BNIP3: variants seen among roughly 807,000 people sequenced by gnomAD.
BNIP3 encodes BCL2/adenovirus E1B 19 kDa protein-interacting protein 3.
In BNIP3, 16 loss-of-function variants were observed where a neutral mutation model predicts 23.9. The ratio of observed to expected loss-of-function variants is 0.67; its 90% CI spans 0.45 to 1.01. The LOEUF is 1.01. Among genes scored for constraint, BNIP3 ranks in the 50% least tolerant of loss-of-function variants. The pLI is 0.00. For synonymous variants in BNIP3, 81 were observed against 89.3 expected (o/e 0.91, Z 0.53); for missense variants, 198 against 248.7 (o/e 0.80, Z 1.37).
chr10:131,981,419 G>A (rs1456288934), intron 1 of BNIP3: 1 of 367,958 alleles, frequency 2.7e-6, no homozygotes, highest in Non-Finnish European at 4.9e-6. Context: ...TGGACTTTGA[G>A]GCTGTTCGGT....
intron 3 of BNIP3, 98 bp downstream of exon 3, chr10:131,972,936 C>T: frequency 1.6e-6 from 2 of 1,248,358 alleles, no homozygotes; most frequent in Non-Finnish European, 1.1e-6. Flanking sequence ...CCCTTAAAGC[C>T]CGACTTTTCT....
chr10:131,981,617 T>G (rs2037119323), intron 1 of BNIP3, 144 bp downstream of exon 1: 5 of 1,051,608 alleles, frequency 4.8e-6, no homozygotes, highest in Non-Finnish European at 6.3e-6. Flanking sequence ...GAGGGGTGGG[T>G]ACGGAAGGGG....
rs544055960 is a variant in BNIP3 at position 131,976,743 on chromosome 10, G to A, written c.47-2800C>T. Among the ~76,000 whole-genome samples, 82 of 152,098 alleles carry A rather than the reference G, an allele frequency of 5.4e-4. No homozygotes were observed. The highest frequency in any genetic ancestry group is 1.8e-3 in the African/African-American group (73 of 41,490). On this transcript the variant is annotated intron_variant, in intron 1 of 5. Coordinates refer to ENST00000368636, the MANE Select transcript of BNIP3 (RefSeq NM_004052.4). The surrounding 1 kb of genome is among the most constrained non-coding windows in gnomAD (Gnocchi z 4.3). ...TCTCCAGTCCCCTCCCCTCCTAGGA[G>A]GGGCTGCCCTGGGAATTTCTACCTC...
At chr10:131,972,045 G>A (rs868427676) in intron 3 of BNIP3, among the ~76,000 whole-genome samples, 9 of 152,204 alleles carry the variant, frequency 5.9e-5, no homozygotes, top group African/African-American at 1.2e-4. Flanking sequence ...AACACATCGC[G>A]CATCTCATCT....
In BNIP3 at chr10:131,976,907, C is replaced by T. The variant is rs1466019401; in HGVS notation, c.47-2964G>A. ...GCTAATAGGGTGACTTTATGAATAA[C>T]GCACACACTGGTCAGGTTGTTCTGC... On this transcript the variant is annotated intron_variant, in intron 1 of 5. Transcript: ENST00000368636. This position sits in a 1 kb window ranked among gnomAD's most constrained non-coding sequence, Gnocchi z 4.3. 6.6e-6 allele frequency among the ~76,000 whole-genome samples: 1 copy of T among 152,188 alleles called. No homozygotes were observed. Among genetic ancestry groups the T allele is most frequent in the Non-Finnish European group, 1.5e-5 (1 of 68,044 alleles).
Position 131,970,953 on chromosome 10 carries a change from A to G in BNIP3, c.300T>C (p.Ile100=). ...TGCTTTCAACTTCTTTCCTTCTTTC[A>G]ATATCATCTTCCTCAGACTAAGATA... ...KNSSQSEEDD[I]ERRKEVESIL... Residue 100 remains isoleucine (I), a synonymous_variant, in exon 4 of 6, where the codon ATT becomes ATC. Coordinates refer to ENST00000368636, the MANE Select transcript of BNIP3 (RefSeq NM_004052.4). The surrounding 1 kb of genome is among the most constrained non-coding windows in gnomAD (Gnocchi z 4.1). 6.2e-7 allele frequency: 1 copy of G among 1,614,044 alleles called. No individual in the cohort carries two copies. The highest frequency in any genetic ancestry group is 8.5e-7 in the Non-Finnish European group (1 of 1,179,984).
At chr10:131,973,683 G>T in intron 2 of BNIP3, 110 bp downstream of exon 2, 1 of 1,483,768 alleles carries the variant, frequency 6.7e-7, no homozygotes. Flanking sequence ...CGCGGCCCGA[G>T]GCGAACAGCA....
intron 1 of BNIP3, among the ~76,000 whole-genome samples, chr10:131,979,879 C>T (rs2037105846): frequency 6.6e-6 from 1 of 152,226 alleles, no homozygotes; most frequent in Non-Finnish European, 1.5e-5. Context: ...GTTCTCTGTT[C>T]CGAGGTCAAC....
chr10:131,979,807 T>C lies in BNIP3; in HGVS notation c.46+1954A>G, dbSNP rs45563037. ...AGGAAAAGCAGTTGGCCCCAGAGGG[T>C]ACACTCAGAGGAGAGAGTGCTTGCT... On this transcript the variant is annotated intron_variant, in intron 1 of 5. Coordinates refer to ENST00000368636, the MANE Select transcript of BNIP3 (RefSeq NM_004052.4). Among the ~76,000 whole-genome samples, 587 of 152,344 alleles carry C rather than the reference T, an allele frequency of 3.9e-3. 3 individuals are homozygous for C. Among genetic ancestry groups the C allele is most frequent in the African/African-American group, 0.013 (551 of 41,588 alleles).
chr10:131,981,702 C>CCTTCCCCAGG (rs1223401174), intron 1 of BNIP3, 59 bp downstream of exon 1: 97 of 1,449,152 alleles, frequency 6.7e-5, no homozygotes, highest in Non-Finnish European at 8.1e-5. Flanking sequence ...GCCCTCTTGG[C>CCTTCCCCAGG]CTTCCCCAGG....
At chr10:131,971,372 G>A (rs1006799177) in intron 3 of BNIP3, 5 of 244,818 alleles carry the variant, frequency 2.0e-5, no homozygotes, top group African/African-American at 9.1e-5. Flanking sequence ...GCTCAAAACA[G>A]GGACATGACG....
rs371380089 is a variant in BNIP3 at position 131,968,566 on chromosome 10, G to A, written c.543C>T (p.Ile181=). 94 of 1,599,062 alleles carry A rather than the reference G, an allele frequency of 5.9e-5. No homozygotes were observed. The highest frequency in any genetic ancestry group is 7.5e-5 in the Non-Finnish European group (87 of 1,167,002). The change falls in exon 6 of 6, where the codon ATC becomes ATT. Residue 181 remains isoleucine (I), a synonymous_variant. Transcript: ENST00000368636. The part of the protein sequence containing the change: ...LSHLLAIGLG[I]YIGRRLTTST... ...AGGTTGTCAGACGCCTTCCAATATA[G>A]ATCCTTCACAGAAAAATTATCAGTA... is the stretch of plus-strand genomic sequence containing the variant.
rs2037120832 is a variant in BNIP3, at chr10:131,981,753, C to T, written c.46+8G>A. 7 of 1,470,810 alleles carry T rather than the reference C, an allele frequency of 4.8e-6. No homozygotes were observed. The highest frequency in any genetic ancestry group is 6.3e-6 in the Non-Finnish European group (7 of 1,115,716). 91.1% of individuals were successfully genotyped at this position (1,470,810 alleles called of 1,614,324 possible). On this transcript the variant is annotated splice_region_variant and intron_variant, in intron 1 of 5. Coordinates refer to ENST00000368636, the MANE Select transcript of BNIP3 (RefSeq NM_004052.4). ...CCCTCGGCTCCCGCGCCGCCTCCTC[C>T]GCCTCACCCTGCAGGCTCTCCTCCT...
chr10:131,973,133 T>C lies in BNIP3; in HGVS notation c.198-15A>G, dbSNP rs987903760. The C allele has an allele frequency of 6.2e-7, 1 of 1,611,674 alleles. No homozygotes were observed. Among genetic ancestry groups the C allele is most frequent in the South Asian group, 1.1e-5 (1 of 91,044 alleles). On this transcript the variant is annotated splice_polypyrimidine_tract_variant and intron_variant, in intron 2 of 5. Transcript: ENST00000368636. ...AGCGAGGTGGGCTTGGCGATGTGAA[T>C]AGAATGGGAAAAACAGAACATCATG... is the stretch of plus-strand genomic sequence containing the variant.
intron 1 of BNIP3, among the ~76,000 whole-genome samples, chr10:131,977,138 G>C (rs981724504): frequency 6.6e-6 from 1 of 151,984 alleles, no homozygotes; most frequent in African/African-American, 2.4e-5. Context: ...TGGGCGTGGT[G>C]GGCGCCTGTA....
chr10:131,973,516 C>T (rs1339684245), intron 2 of BNIP3: 4 of 514,104 alleles, frequency 7.8e-6, no homozygotes, highest in East Asian at 6.5e-5. Context: ...CCCGCTGAGG[C>T]GCGTGAGTGC....
At position 131,968,176 on chromosome 10, in the gene BNIP3, C is replaced by T. The variant is rs573372319; in HGVS notation, c.*348G>A. On this transcript the variant is annotated 3_prime_UTR_variant, in exon 6 of 6. Transcript: ENST00000368636. ...TCTTTTGAAATATAAAGTACTTCAG[C>T]TGAATTAAGGTTGCAGATAATTTTT... The T allele has an allele frequency of 1.6e-4, 27 of 168,342 alleles. 2 individuals are homozygous for T. Among genetic ancestry groups the T allele is most frequent in the Admixed American group, 4.8e-4 (8 of 16,712 alleles). 10.4% of individuals were successfully genotyped at this position (168,342 alleles called of 1,614,324 possible). A position where few individuals can be genotyped will look rare whatever the true frequency, so the allele number is the denominator to read the frequency against.
In BNIP3 at chr10:131,970,385, G is replaced by A. The variant is rs547565979; in HGVS notation, c.539+253C>T. On this transcript the variant is annotated intron_variant, in intron 5 of 5. Coordinates refer to ENST00000368636, the MANE Select transcript of BNIP3 (RefSeq NM_004052.4). This position sits in a 1 kb window ranked among gnomAD's most constrained non-coding sequence, Gnocchi z 4.1. ...ACCTAAGAAGCCCTGCTTTGACTCCGTTTATATTCAGTGAGCAACAGGCAG... is the reference window on the plus strand; with the variant it reads ...ACCTAAGAAGCCCTGCTTTGACTCCATTTATATTCAGTGAGCAACAGGCAG... The A allele has an allele frequency of 1.8e-4, 98 of 558,286 alleles. No homozygotes were observed. The highest frequency in any genetic ancestry group is 1.4e-3 in the African/African-American group (75 of 53,178). The allele number at this position is 558,286 out of a possible 1,614,324, so 34.6% of individuals were successfully genotyped here. A position where few individuals can be genotyped will look rare whatever the true frequency, so the allele number is the denominator to read the frequency against.
rs1322535994 is a variant in BNIP3 at position 131,968,709 on chromosome 10, A to C, written c.540-140T>G. ...TTATACCCATTATAAAAATTTTGTAATGAATCTATCTGTGATCTTTTATCT... is the reference window on the plus strand; with the variant it reads ...TTATACCCATTATAAAAATTTTGTACTGAATCTATCTGTGATCTTTTATCT... On this transcript the variant is annotated intron_variant, in intron 5 of 5. Transcript: ENST00000368636. 2.4e-5 allele frequency: 15 copies of C among 635,574 alleles called. 1 individual carries two copies. Among genetic ancestry groups the C allele is most frequent in the South Asian group, 9.8e-5 (5 of 51,160 alleles). 39.4% of individuals were successfully genotyped at this position (635,574 alleles called of 1,614,324 possible).
Sources: gnomAD v4.1 joint callset for allele counts (sites outside exome capture counted in the v4.1 genomes callset) on GRCh38, gnomAD v4.1.1 for gene constraint, Gnocchi (gnomAD v3.1) non-coding constraint, MANE v1.5 for transcripts, NCBI Gene and HGNC (gene_info 2026-07-23, HGNC 2026-07-21) for gene names.